VSTM2B: variants seen among roughly 807,000 people sequenced by gnomAD.
The protein encoded by VSTM2B is V-set and transmembrane domain-containing protein 2B.
A neutral mutation model predicts 24.0 loss-of-function variants in VSTM2B; 24 were observed. The ratio of observed to expected loss-of-function variants is 1.00; its 90% CI spans 0.72 to 1.40. The LOEUF (loss-of-function observed/expected upper bound fraction) is 1.40. VSTM2B is among the 40% of genes most tolerant of loss of function. The probability of loss-of-function intolerance (pLI) is 0.00; values close to 1 mark genes in which losing one functional copy is unlikely to be tolerated. For missense variants in VSTM2B, 399 were observed against 416.4 expected, an observed-to-expected ratio of 0.96 and a Z score of 0.36; for synonymous variants, 226 against 194.4, an observed-to-expected ratio of 1.16 and a Z score of -1.35.
At chr19:29,542,930 C>T (rs1351283734) in intron 4 of VSTM2B, among the ~76,000 whole-genome samples, 2 of 152,140 alleles carry the variant, frequency 1.3e-5, no homozygotes, top group African/African-American at 4.8e-5. Context: ...CATGCTTCTG[C>T]CTGCAGTCCC....
chr19:29,528,341 G>C (rs554857930), intron 2 of VSTM2B, 92 bp from the exon 3 acceptor site: 2 of 1,519,338 alleles, frequency 1.3e-6, no homozygotes, highest in South Asian at 1.2e-5. Context: ...CTAGCCTGCC[G>C]GAGGAGGGTG....
intron 1 of VSTM2B, 146 bp from the exon 2 acceptor site, chr19:29,527,065 G>T: frequency 1.4e-6 from 1 of 726,062 alleles, no homozygotes; most frequent in Admixed American, 2.7e-5. Context: ...CCCGAACTTT[G>T]CTAGCCCCTC....
At position 29,526,963 on chromosome 19, in the gene VSTM2B, G is replaced by C. The variant is rs1248237027; in HGVS notation, c.83-248G>C. ...TGGCGGTGCGGCCAGGGGCGGGGGAGAAGCACGAGTCGCCCCTGCCGCCCC... is the reference window on the plus strand; with the variant it reads ...TGGCGGTGCGGCCAGGGGCGGGGGACAAGCACGAGTCGCCCCTGCCGCCCC... On this transcript the variant is annotated intron_variant, in intron 1 of 4. Coordinates refer to ENST00000335523, the MANE Select transcript of VSTM2B (RefSeq NM_001146339.2). The surrounding 1 kb of genome is among the most constrained non-coding windows in gnomAD (Gnocchi z 4.1). The C allele has an allele frequency of 6.4e-6, 3 of 469,592 alleles. No individual in the cohort carries two copies. The highest frequency in any genetic ancestry group is 1.1e-5 in the Non-Finnish European group (3 of 270,548). The allele number at this position is 469,592 out of a possible 1,614,324, so 29.1% of individuals were successfully genotyped here.
At chr19:29,528,271 C>T in intron 2 of VSTM2B, among the ~76,000 whole-genome samples, 162 bp from the exon 3 acceptor site, 1 of 152,250 alleles carries the variant, frequency 6.6e-6, no homozygotes, top group East Asian at 1.9e-4. Flanking sequence ...TCCTGGGAAA[C>T]TCTTGGAAAG....
rs1026514636 is a variant in VSTM2B at position 29,526,648 on chromosome 19, T to A, written c.65T>A (p.Leu22Gln). The change falls in exon 1 of 5, where the codon CTG becomes CAG. Residue 22 changes from leucine (L) to glutamine (Q), a missense_variant. Physicochemically the swap from Leu to Gln is moderately radical, Grantham distance 113. Transcript: ENST00000335523. This position sits in a 1 kb window ranked among gnomAD's most constrained non-coding sequence, Gnocchi z 4.1. ...CCGCCTCTGCTGCTGCATGCCCTGC[T>A]GCTCTTCGTGGCCGACGGTGAGCGC... ...YLPPLLLHALLLFVADAAFTE... is the reference protein window; with the variant it reads ...YLPPLLLHALQLFVADAAFTE... 55 of 1,529,722 alleles carry A rather than the reference T, an allele frequency of 3.6e-5. No homozygotes were observed. Among genetic ancestry groups the A allele is most frequent in the Non-Finnish European group, 4.5e-5 (52 of 1,143,388 alleles). 94.8% of individuals were successfully genotyped at this position (1,529,722 alleles called of 1,614,324 possible).
intron 4 of VSTM2B, among the ~76,000 whole-genome samples, chr19:29,553,892 T>C (rs1005326128): frequency 1.3e-5 from 2 of 152,074 alleles, no homozygotes; most frequent in Non-Finnish European, 2.9e-5. Flanking sequence ...TGAAAAGGAA[T>C]GAACAAAACC....
At chr19:29,531,002 G>C (rs948795788) in intron 4 of VSTM2B, among the ~76,000 whole-genome samples, 14 of 150,788 alleles carry the variant, frequency 9.3e-5, no homozygotes, top group African/African-American at 3.2e-4. Flanking sequence ...GATTGGGGAT[G>C]GGGGGCGGGA....
At position 29,529,864 on chromosome 19, in the gene VSTM2B, T is replaced by TCTGC; in HGVS notation, c.345_348dup (p.Val117CysfsTer146). On this transcript the variant is annotated frameshift_variant, in exon 4 of 5. Coordinates refer to ENST00000335523, the MANE Select transcript of VSTM2B (RefSeq NM_001146339.2). LOFTEE classifies it high-confidence loss of function. ...TGACATCTCACACCGGCTTCGGCTGTCTGCCGTGCGGCTGCAGGACGAGGG... is the reference window on the plus strand; with the variant it reads ...TGACATCTCACACCGGCTTCGGCTGTCTGCCTGCCGTGCGGCTGCAGGACGAGGG... 6.5e-7 allele frequency: 1 copy of TCTGC among 1,550,152 alleles called. No individual in the cohort carries two copies. Among genetic ancestry groups the TCTGC allele is most frequent in the Non-Finnish European group, 8.7e-7 (1 of 1,146,766 alleles).
At chr19:29,551,186 A>G (rs1384866748) in intron 4 of VSTM2B, among the ~76,000 whole-genome samples, 1 of 151,894 alleles carries the variant, frequency 6.6e-6, no homozygotes, top group East Asian at 1.9e-4. Context: ...AGAAACAGAT[A>G]CTCCATGCCG....
At position 29,564,118 on chromosome 19, in the gene VSTM2B, T is replaced by A. The variant is rs776618532; in HGVS notation, c.*184T>A. The A allele has an allele frequency of 3.6e-6, 2 of 558,906 alleles. No individual in the cohort carries two copies. The highest frequency in any genetic ancestry group is 6.4e-6 in the Non-Finnish European group (2 of 314,218). The allele number at this position is 558,906 out of a possible 1,614,324, so 34.6% of individuals were successfully genotyped here. A position where few individuals can be genotyped will look rare whatever the true frequency, so the allele number is the denominator to read the frequency against. ...TGTAGAACACCTAAAATAATGCATC[T>A]AGTTTCCAAATAATTTGGAGTTTGG... On this transcript the variant is annotated 3_prime_UTR_variant, in exon 5 of 5. Transcript: ENST00000335523.
At chr19:29,560,401 T>C (rs976606529) in intron 4 of VSTM2B, among the ~76,000 whole-genome samples, 10 of 152,274 alleles carry the variant, frequency 6.6e-5, no homozygotes, top group Non-Finnish European at 1.3e-4. Context: ...CCGCGTCACA[T>C]AGCAAGCTGG....
intron 4 of VSTM2B, among the ~76,000 whole-genome samples, chr19:29,549,942 C>G (rs982058965): frequency 1.3e-5 from 2 of 152,256 alleles, no homozygotes; most frequent in East Asian, 3.9e-4. Flanking sequence ...AGACAGCCAT[C>G]CCCATGGCTA....
chr19:29,534,726 AAAAGAAAGAAAGAAAGAAAAG>A (rs1196101966), intron 4 of VSTM2B, among the ~76,000 whole-genome samples: 4 of 148,638 alleles, frequency 2.7e-5, no homozygotes, highest in Non-Finnish European at 5.9e-5. Flanking sequence ...CAAAAAAAAA[AAAAGAAAGAAAGAAAGAAAAG>A]AAAAGAAAGA....
intron 4 of VSTM2B, among the ~76,000 whole-genome samples, chr19:29,555,929 C>A (rs1383887182): frequency 4.6e-5 from 7 of 152,112 alleles, no homozygotes; most frequent in South Asian, 2.1e-4. Context: ...GCCTACCAAC[C>A]AACAAAAGCC....
chr19:29,528,449 C>A lies in VSTM2B; in HGVS notation c.284C>A (p.Ala95Glu). 1.3e-6 allele frequency: 2 copies of A among 1,551,142 alleles called. No individual in the cohort carries two copies. Reference protein sequence around the residue: ...GARSKVTNKDATKISTVRVQG... With the variant: ...GARSKVTNKDETKISTVRVQG... ...GCATTTTAGGTAACAAATAAGGATG[C>A]AACTAAAATCAGCGTAAGTGTGGAG... Residue 95 changes from alanine to glutamate, a missense_variant, in exon 3 of 5, where the codon GCA becomes GAA. Physicochemically the swap from Ala to Glu is moderately radical, Grantham distance 107 (BLOSUM62 -1). Transcript: ENST00000335523.
intron 4 of VSTM2B, among the ~76,000 whole-genome samples, chr19:29,538,543 A>G (rs1485732856): frequency 2.6e-5 from 4 of 152,196 alleles, no homozygotes; most frequent in African/African-American, 9.7e-5. Context: ...TTGTGATTGT[A>G]TTCATCCATT....
chr19:29,562,069 A>C (rs1208459215), intron 4 of VSTM2B, among the ~76,000 whole-genome samples: 1 of 152,168 alleles, frequency 6.6e-6, no homozygotes, highest in African/African-American at 2.4e-5. Context: ...GCGATGGTCT[A>C]TGGACAATTC....
intron 4 of VSTM2B, among the ~76,000 whole-genome samples, chr19:29,535,163 A>G (rs1283348315): frequency 6.6e-6 from 1 of 152,232 alleles, no homozygotes; most frequent in African/African-American, 2.4e-5. Flanking sequence ...AGCTGTGTTC[A>G]TAAATCTGGC....
chr19:29,541,186 C>T (rs1009720895), intron 4 of VSTM2B, among the ~76,000 whole-genome samples: 6 of 152,170 alleles, frequency 3.9e-5, no homozygotes, highest in Non-Finnish European at 7.3e-5. Context: ...TGACTTTATC[C>T]TAAGAGCAGT....
Sources: allele counts gnomAD v4.1 joint callset (sites outside exome capture counted in the v4.1 genomes callset), GRCh38; gene constraint gnomAD v4.1.1; non-coding constraint Gnocchi (gnomAD v3.1); transcripts MANE v1.5; gene names NCBI Gene and HGNC (gene_info 2026-07-23, HGNC 2026-07-21).